Variants in GRID2 observed in about 807,000 individuals in gnomAD.
The protein encoded by GRID2 is glutamate ionotropic receptor delta type subunit 2.
Under a neutral mutation model 114.8 loss-of-function variants are expected in GRID2, and 33 were observed. The ratio of observed to expected loss-of-function variants is 0.29; its 90% CI spans 0.22 to 0.38. The LOEUF (loss-of-function observed/expected upper bound fraction) is 0.38, where lower values mean the gene tolerates loss of function less well. Among genes scored for constraint, GRID2 ranks in the 10% least tolerant of loss-of-function variants. GRID2 has a pLI of 1.00. For missense variants in GRID2, 1,184 were observed against 1,257.7 expected, an observed-to-expected ratio of 0.94 and a Z score of 0.89; for synonymous variants, 505 against 449.9, an observed-to-expected ratio of 1.12 and a Z score of -1.55.
chr4:92,539,580 A>T (rs1394250078), intron 1 of GRID2, among the ~76,000 whole-genome samples: 1 of 152,168 alleles, frequency 6.6e-6, no homozygotes, highest in African/African-American at 2.4e-5. Flanking sequence ...TACATTACAG[A>T]TAGAAAAGTA....
At chr4:92,467,558 T>G (rs1579416171) in intron 1 of GRID2, among the ~76,000 whole-genome samples, 1 of 152,094 alleles carries the variant, frequency 6.6e-6, no homozygotes, top group Non-Finnish European at 1.5e-5. Flanking sequence ...AAAAAAATCT[T>G]TCCACATTCT....
intron 2 of GRID2, among the ~76,000 whole-genome samples, chr4:92,786,463 T>C (rs1739325181): frequency 6.6e-6 from 1 of 151,940 alleles, no homozygotes; most frequent in South Asian, 2.1e-4. Flanking sequence ...CTCTATATTC[T>C]TTTTAGCCCC....
At chr4:93,502,266 C>T (rs932308798) in intron 12 of GRID2, among the ~76,000 whole-genome samples, 2 of 152,036 alleles carry the variant, frequency 1.3e-5, no homozygotes, top group African/African-American at 4.8e-5. Context: ...TTCAGTTTTT[C>T]GTCTTTTAAA....
intron 2 of GRID2, among the ~76,000 whole-genome samples, chr4:93,004,996 G>T (rs1237218699): frequency 6.6e-6 from 1 of 151,834 alleles, no homozygotes; most frequent in Non-Finnish European, 1.5e-5. Context: ...ACTTCTACAT[G>T]ATCTAGGGAC....
intron 14 of GRID2, among the ~76,000 whole-genome samples, chr4:93,656,237 G>A (rs905399956): frequency 6.6e-6 from 1 of 151,806 alleles, no homozygotes. Flanking sequence ...TCTATTTAAT[G>A]TATTAGAACA....
chr4:92,496,143 T>G (rs1221562370), intron 1 of GRID2, among the ~76,000 whole-genome samples: 2 of 151,902 alleles, frequency 1.3e-5, no homozygotes, highest in Non-Finnish European at 2.9e-5. Context: ...ATTTTGAAAA[T>G]GATCCTTTAC....
chr4:92,841,139 G>T (rs1035601603), intron 2 of GRID2, among the ~76,000 whole-genome samples: 1 of 151,970 alleles, frequency 6.6e-6, no homozygotes, highest in African/African-American at 2.4e-5. Context: ...GGCTGTACTA[G>T]TAATTGCTTT....
At chr4:92,898,274 G>A (rs1396460533) in intron 2 of GRID2, among the ~76,000 whole-genome samples, 1 of 152,060 alleles carries the variant, frequency 6.6e-6, no homozygotes, top group Non-Finnish European at 1.5e-5. Context: ...GTCCCTAAAA[G>A]TTTTCAGTTG....
Position 92,830,735 on chromosome 4 carries a change from T to C in GRID2, c.244+240449T>C, listed in dbSNP as rs1742046880. Among the ~76,000 whole-genome samples, 6 of 152,318 alleles carry C rather than the reference T, an allele frequency of 3.9e-5. No homozygotes were observed. In the Middle Eastern group the frequency reaches 0.01, roughly 259 times the overall value. On this transcript the variant is annotated intron_variant, in intron 2 of 15. Coordinates refer to ENST00000282020, the MANE Select transcript of GRID2 (RefSeq NM_001510.4). ...ATTTTTTAAGTTGTTTTCTTTCTAA[T>C]TTTATGGTTTTATTACACTCTTATT...
intron 2 of GRID2, among the ~76,000 whole-genome samples, chr4:92,728,826 C>T (rs1030748124): frequency 6.6e-6 from 1 of 151,860 alleles, no homozygotes; most frequent in Non-Finnish European, 1.5e-5. Flanking sequence ...TATGGGTTAT[C>T]ATTTATGCCA....
chr4:93,125,328 CAAAT>C (rs1327280438), intron 4 of GRID2, among the ~76,000 whole-genome samples: 3 of 151,836 alleles, frequency 2.0e-5, no homozygotes, highest in Admixed American at 6.6e-5. Flanking sequence ...CATTTATACA[CAAAT>C]AAATGTAGAA....
chr4:92,556,679 A>G (rs980307147), intron 1 of GRID2, among the ~76,000 whole-genome samples: 2 of 152,108 alleles, frequency 1.3e-5, no homozygotes, highest in Non-Finnish European at 2.9e-5. Context: ...AGTGAGTATC[A>G]AATTCCAAGC....
intron 2 of GRID2, among the ~76,000 whole-genome samples, chr4:92,663,038 C>G (rs10012693): frequency 0.41 from 61,603 of 150,550 alleles, 13,267 homozygotes; most frequent in African/African-American, 0.55. Flanking sequence ...GTCAAACACA[C>G]TGAGATTGAT....
intron 10 of GRID2, among the ~76,000 whole-genome samples, chr4:93,442,948 T>G (rs577847542): frequency 1.3e-5 from 2 of 152,184 alleles, no homozygotes; most frequent in South Asian, 4.1e-4. Flanking sequence ...GCAAAACCTT[T>G]GAGTTGTCCT....
At chr4:92,990,231 TGTGTGTGTGTGTGTGTGTGA>T (rs1432599769) in intron 2 of GRID2, among the ~76,000 whole-genome samples, 4 of 145,814 alleles carry the variant, frequency 2.7e-5, no homozygotes, top group African/African-American at 1.0e-4. Context: ...TGTGTGTGTG[TGTGTGTGTGTGTGTGTGTGA>T]TATATGTATA....
At chr4:93,116,362 A>G (rs371552703) in intron 4 of GRID2, among the ~76,000 whole-genome samples, 1 of 152,198 alleles carries the variant, frequency 6.6e-6, no homozygotes, top group African/African-American at 2.4e-5. Flanking sequence ...AGTTGGCTTT[A>G]TAAGATGAAA....
intron 1 of GRID2, among the ~76,000 whole-genome samples, chr4:92,364,497 A>G (rs1728758531): frequency 6.6e-6 from 1 of 152,146 alleles, no homozygotes; most frequent in Non-Finnish European, 1.5e-5. Context: ...TTATTCAATA[A>G]CAAAAAATGA....
chr4:93,628,280 A>G (rs931930340), intron 14 of GRID2, among the ~76,000 whole-genome samples: 2 of 152,180 alleles, frequency 1.3e-5, no homozygotes, highest in African/African-American at 2.4e-5. Context: ...CTAGTTGGAG[A>G]TATAAGACCC....
intron 1 of GRID2, among the ~76,000 whole-genome samples, chr4:92,370,957 A>G (rs55645344): frequency 0.33 from 49,683 of 151,962 alleles, 8,288 homozygotes; most frequent in African/African-American, 0.41. Flanking sequence ...TGATAAGAAC[A>G]CAAAACAGCC....
Sources: allele counts gnomAD v4.1 joint callset (sites outside exome capture counted in the v4.1 genomes callset), GRCh38; gene constraint gnomAD v4.1.1; transcripts MANE v1.5; gene names NCBI Gene and HGNC (gene_info 2026-07-23, HGNC 2026-07-21).